Variants in MLLT6 observed in about 807,000 individuals in gnomAD.
MLLT6 encodes MLLT6, PHD finger containing.
A neutral mutation model predicts 103.0 loss-of-function variants in MLLT6; 22 were observed. The ratio of observed to expected loss-of-function variants is 0.21; its 90% CI spans 0.15 to 0.31. The LOEUF is 0.31. MLLT6 is among the 10% of genes least tolerant of loss of function. The pLI is 1.00. For missense variants in MLLT6, 1,199 were observed against 1,441.7 expected, an observed-to-expected ratio of 0.83 and a Z score of 2.73; for synonymous variants, 606 against 623.5, an observed-to-expected ratio of 0.97 and a Z score of 0.42.
chr17:38,721,000 G>A, intron 16 of MLLT6: 1 of 573,770 alleles, frequency 1.7e-6, no homozygotes, highest in Non-Finnish European at 3.1e-6. Context: ...CAAAGAAGGA[G>A]TAATCACAAA....
rs749098501 is a variant in MLLT6, at chr17:38,719,561, C to T, written c.1987C>T (p.Pro663Ser). The change falls in exon 13 of 20, where the codon CCT becomes TCT. Residue 663 changes from proline (P) to serine (S), a missense_variant. Around this residue, in one of 7 missense-constraint regions of MLLT6, gnomAD observed 1,034 missense variants for 1,091.5 expected, o/e 0.95. Coordinates refer to ENST00000621332, the MANE Select transcript of MLLT6 (RefSeq NM_005937.4). ...DCSFRCRGTS[P>S]QESLSSMSPI... The stretch of plus-strand genomic sequence containing the variant: ...CAGCTTCCGGTGTCGGGGGACCTCC[C>T]CTCAGGAGAGTCTGTCTTCCATGTG... 1.9e-6 allele frequency: 3 copies of T among 1,611,148 alleles called. No homozygotes were observed. The highest frequency in any genetic ancestry group is 4.5e-5 in the East Asian group (2 of 44,844).
At chr17:38,722,491 T>C (rs751592566) in intron 17 of MLLT6, among the ~76,000 whole-genome samples, 187 bp from the exon 18 acceptor site, 3 of 152,110 alleles carry the variant, frequency 2.0e-5, no homozygotes, top group Admixed American at 6.5e-5. Context: ...GGACAGTTCT[T>C]CTAAATCAGA....
At position 38,721,983 on chromosome 17, in the gene MLLT6, G is replaced by T. The variant is rs1053836239; in HGVS notation, c.2548G>T (p.Ala850Ser). Residue 850 changes from alanine to serine, a missense_variant, in exon 17 of 20, where the codon GCC (alanine) becomes TCC (serine). By Grantham distance (99) the Ala-to-Ser change is moderately conservative (BLOSUM62 1). This residue lies in a region of MLLT6 where 1,034 missense variants were observed against 1,091.5 expected (regional missense o/e 0.95). Coordinates refer to ENST00000621332, the MANE Select transcript of MLLT6 (RefSeq NM_005937.4). ...GCAGAGCCCTGCCACTCTGCCCCTG[G>T]CCCTGCCTGGGGCCCCTGCCCCACT... Reference protein sequence around the residue: ...LQQSPATLPLALPGAPAPLPP... With the variant: ...LQQSPATLPLSLPGAPAPLPP... The T allele has an allele frequency of 1.6e-5, 24 of 1,498,966 alleles. No individual in the cohort carries two copies. The highest frequency in any genetic ancestry group is 4.3e-5 in the African/African-American group (3 of 70,048). 92.9% of individuals were successfully genotyped at this position (1,498,966 alleles called of 1,614,324 possible).
intron 14 of MLLT6, among the ~76,000 whole-genome samples, 178 bp downstream of exon 14, chr17:38,720,073 C>T (rs776855032): frequency 6.6e-6 from 1 of 152,136 alleles, no homozygotes; most frequent in Non-Finnish European, 1.5e-5. Flanking sequence ...GCCCTGGTCC[C>T]TCAGCGCCCC....
chr17:38,717,601 C>T lies in MLLT6; in HGVS notation c.1821C>T (p.Ile607=), dbSNP rs1375191514. ...TSTLPSSSAS[I]STTQVFSLAG... is the part of the protein sequence containing the mutation. The stretch of plus-strand genomic sequence containing the variant: ...CCCTCCCCTCCTCTTCTGCTTCTAT[C>T]TCCACCACTCAGGTGAGACCTGACT... The change falls in exon 11 of 20, where the codon ATC becomes ATT. Residue 607 remains isoleucine, a synonymous_variant. Transcript: ENST00000621332. The T allele has an allele frequency of 1.7e-5, 27 of 1,613,876 alleles. No individual in the cohort carries two copies. The highest frequency in any genetic ancestry group is 2.3e-5 in the Non-Finnish European group (27 of 1,179,878).
intron 7 of MLLT6, 95 bp downstream of exon 7, chr17:38,712,109 C>G: frequency 7.1e-7 from 1 of 1,398,768 alleles, no homozygotes; most frequent in South Asian, 1.7e-5. Context: ...CCCTTAAGGT[C>G]TTGGCCCTGC....
At chr17:38,720,325 G>GCCCCCCCCCCCC in intron 14 of MLLT6, 47 bp from the exon 15 acceptor site, 1 of 73,316 alleles carries the variant, frequency 1.4e-5, no homozygotes, top group Non-Finnish European at 2.3e-5. Context: ...CCCTGGCCCC[G>GCCCCCCCCCCCC]CCTCCGCCCC....
chr17:38,722,868 G>A, intron 18 of MLLT6, 100 bp downstream of exon 18: 1 of 893,242 alleles, frequency 1.1e-6, no homozygotes, highest in Non-Finnish European at 1.8e-6. Context: ...GGAGCAGGCA[G>A]AGTGAGGGGA....
Position 38,726,489 on chromosome 17 carries a change from G to C in MLLT6, c.*891G>C, listed in dbSNP as rs979897997. On this transcript the variant is annotated 3_prime_UTR_variant, in exon 20 of 20. Transcript: ENST00000621332. ...GTCAGATGAAGCAGCGCCAGAGAGG[G>C]GACCTCCCAGCTCTTATTTGCACCC... is the stretch of plus-strand genomic sequence containing the variant. 4.3e-6 allele frequency: 1 copy of C among 233,668 alleles called. No homozygotes were observed. Among genetic ancestry groups the C allele is most frequent in the Non-Finnish European group, 8.5e-6 (1 of 118,166 alleles). The allele number at this position is 233,668 out of a possible 1,614,324, so 14.5% of individuals were successfully genotyped here.
Position 38,705,734 on chromosome 17 carries a change from C to G in MLLT6, c.102C>G (p.Val34=). The G allele has an allele frequency of 6.7e-7, 1 of 1,494,994 alleles. No individual in the cohort carries two copies. Among genetic ancestry groups the G allele is most frequent in the Non-Finnish European group, 9.0e-7 (1 of 1,113,556 alleles). The allele number at this position is 1,494,994 out of a possible 1,614,324, so 92.6% of individuals were successfully genotyped here. ...YCDGHACSVA[V]HQACYGIVQV... ...ATGGGCACGCGTGCAGCGTGGCCGTCCACCAAGGTACGGGGGTGGCCCGCG... is the reference window on the plus strand; with the variant it reads ...ATGGGCACGCGTGCAGCGTGGCCGTGCACCAAGGTACGGGGGTGGCCCGCG... Residue 34 remains valine, a synonymous_variant, in exon 1 of 20, where the codon GTC becomes GTG. Transcript: ENST00000621332.
intron 2 of MLLT6, 31 bp downstream of exon 2, chr17:38,707,060 C>G (rs781112299): frequency 1.9e-6 from 3 of 1,576,250 alleles, no homozygotes; most frequent in Admixed American, 1.7e-5. Flanking sequence ...CTCCACTCCC[C>G]TGCCCCTCCC....
chr17:38,716,549 A>G lies in MLLT6; in HGVS notation c.1219A>G (p.Met407Val). The change falls in exon 10 of 20, where the codon ATG (methionine) becomes GTG (valine). Residue 407 changes from methionine to valine, a missense_variant. By Grantham distance (21) the Met-to-Val change is conservative. Around this residue, in one of 7 missense-constraint regions of MLLT6, gnomAD observed 1,034 missense variants for 1,091.5 expected, o/e 0.95. Transcript: ENST00000621332. The surrounding 1 kb of genome is among the most constrained non-coding windows in gnomAD (Gnocchi z 5.6). The part of the protein sequence containing the change: ...KVVFSGFGPI[M>V]RFSTTTSSSG... ...GGTCTTCTCTGGCTTTGGGCCCATCATGCGCTTCTCCACCACCACCTCCAG... is the reference window on the plus strand; with the variant it reads ...GGTCTTCTCTGGCTTTGGGCCCATCGTGCGCTTCTCCACCACCACCTCCAG... 2 of 1,613,922 alleles carry G rather than the reference A, an allele frequency of 1.2e-6. No individual in the cohort carries two copies. Among genetic ancestry groups the G allele is most frequent in the Non-Finnish European group, 1.7e-6 (2 of 1,179,976 alleles).
At chr17:38,717,192 G>A (rs72836949) in intron 10 of MLLT6, among the ~76,000 whole-genome samples, 1 of 152,294 alleles carries the variant, frequency 6.6e-6, no homozygotes, top group Non-Finnish European at 1.5e-5. Context: ...CAAGTTTTGG[G>A]AGGGAGATTA....
In MLLT6 at chr17:38,715,782, TTCC is replaced by T. The variant is rs759466228; in HGVS notation, c.999_1001del (p.Ser338del). The T allele has an allele frequency of 1.6e-5, 25 of 1,611,134 alleles. No individual in the cohort carries two copies. Among genetic ancestry groups the T allele is most frequent in the African/African-American group, 2.7e-5 (2 of 74,896 alleles). ...GCAGTTTTACCTCCGCCTCCTCTTCTTCCTCCTCCTCTTCCTCCTCCTCTGGGG... is the reference window on the plus strand; with the variant it reads ...GCAGTTTTACCTCCGCCTCCTCTTCTTCCTCCTCTTCCTCCTCCTCTGGGG... On this transcript the variant is annotated inframe_deletion, in exon 9 of 20. Transcript: ENST00000621332.
At position 38,709,379 on chromosome 17, in the gene MLLT6, T is replaced by C; in HGVS notation, c.458+103T>C. On this transcript the variant is annotated intron_variant, in intron 5 of 19. Transcript: ENST00000621332. The surrounding 1 kb of genome is among the most constrained non-coding windows in gnomAD (Gnocchi z 4.3). ...CCCTTTGATGGTGGTGGCAATGCTT[T>C]GGATGGTCTTGGCTTCGCCTCAGCA... 3 of 1,405,260 alleles carry C rather than the reference T, an allele frequency of 2.1e-6. No individual in the cohort carries two copies. Among genetic ancestry groups the C allele is most frequent in the South Asian group, 2.3e-5 (2 of 86,962 alleles). 87.0% of individuals were successfully genotyped at this position (1,405,260 alleles called of 1,614,324 possible).
In MLLT6 at chr17:38,715,782, T is replaced by C. The variant is rs1182963740; in HGVS notation, c.990T>C (p.Ser330=). Residue 330 remains serine, a synonymous_variant, in exon 9 of 20, where the codon TCT becomes TCC. Coordinates refer to ENST00000621332, the MANE Select transcript of MLLT6 (RefSeq NM_005937.4). ...GVSSFTSASS[S]SSSSSSSSGG... The stretch of plus-strand genomic sequence containing the variant: ...GCAGTTTTACCTCCGCCTCCTCTTC[T>C]TCCTCCTCCTCTTCCTCCTCCTCTG... 3 of 1,611,136 alleles carry C rather than the reference T, an allele frequency of 1.9e-6. No homozygotes were observed. Among genetic ancestry groups the C allele is most frequent in the Non-Finnish European group, 2.5e-6 (3 of 1,178,586 alleles).
intron 1 of MLLT6, 70 bp from the exon 2 acceptor site, chr17:38,706,880 T>C (rs981138161): frequency 1.5e-6 from 2 of 1,364,246 alleles, no homozygotes; most frequent in African/African-American, 1.4e-5. Context: ...GTCACCGCCT[T>C]CCCCCAGTTA....
At chr17:38,717,218 C>T (rs73982891) in intron 10 of MLLT6, among the ~76,000 whole-genome samples, 2,263 of 152,186 alleles carry the variant, frequency 0.015, 48 homozygotes, top group African/African-American at 0.052. Flanking sequence ...GCTAGGAATT[C>T]TGTAGCCCTC....
chr17:38,723,742 CTTT>C (rs575998138), intron 18 of MLLT6, among the ~76,000 whole-genome samples: 4 of 137,572 alleles, frequency 2.9e-5, no homozygotes, highest in African/African-American at 5.3e-5. Context: ...GAATTGAAAA[CTTT>C]TTTTTTTTTT....
Sources: gnomAD v4.1 joint callset for allele counts (sites outside exome capture counted in the v4.1 genomes callset) on GRCh38, gnomAD v4.1.1 for gene constraint, gnomAD v4.1.1 regional missense constraint, Gnocchi (gnomAD v3.1) non-coding constraint, MANE v1.5 for transcripts, NCBI Gene and HGNC (gene_info 2026-07-23, HGNC 2026-07-21) for gene names.